UST: variants seen among roughly 807,000 people sequenced by gnomAD.
The protein encoded by UST is chondroitin sulfate 2-O-sulfotransferase.
UST carries 21 observed loss-of-function variants against 45.6 expected under a neutral mutation model. That is an observed-to-expected ratio of 0.46 (90% confidence interval 0.33 to 0.66). UST has a LOEUF of 0.66. Ranked by LOEUF, UST falls within the 30% of genes least tolerant of loss-of-function variation. UST has a pLI of 0.02. For missense variants in UST, 463 were observed against 512.4 expected (o/e 0.90, Z 0.93); for synonymous variants, 215 against 200.6 (o/e 1.07, Z -0.61).
intron 7 of UST, among the ~76,000 whole-genome samples, chr6:149,057,671 T>C (rs950383093): frequency 1.3e-5 from 2 of 152,146 alleles, no homozygotes; most frequent in African/African-American, 4.8e-5. Flanking sequence ...AAGGCATCTA[T>C]AAAATGGAGC....
rs551593699 is a variant in UST, at chr6:148,748,925, GA to G, written c.247+1260del. Among the ~76,000 whole-genome samples, 8,778 of 134,496 alleles carry G rather than the reference GA, an allele frequency of 0.065. 295 individuals carry two copies. The highest frequency in any genetic ancestry group is 0.098 in the African/African-American group (3,682 of 37,508). The allele number at this position is 134,496 out of a possible 152,430, so 88.2% of individuals were successfully genotyped here. ...GTTTGGAGAAAAGAGAAAAGAAAAG[GA>G]AAAAAAAAAAACCCAAAACAAACAA... On this transcript the variant is annotated intron_variant, in intron 1 of 7. Transcript: ENST00000367463. This position sits in a 1 kb window ranked among gnomAD's most constrained non-coding sequence, Gnocchi z 5.3.
At chr6:148,900,769 T>G (rs1297983107) in intron 2 of UST, among the ~76,000 whole-genome samples, 2 of 152,238 alleles carry the variant, frequency 1.3e-5, no homozygotes, top group African/African-American at 4.8e-5. Flanking sequence ...TGTCTTACAG[T>G]TCTGGAGGTC....
intron 5 of UST, among the ~76,000 whole-genome samples, chr6:148,964,873 A>C (rs1780752082): frequency 6.6e-6 from 1 of 152,190 alleles, no homozygotes; most frequent in Admixed American, 6.5e-5. Flanking sequence ...TGTAGTGCTT[A>C]AGAAGAACAA....
chr6:149,055,922 T>C (rs1776555678), intron 7 of UST, among the ~76,000 whole-genome samples: 1 of 152,220 alleles, frequency 6.6e-6, no homozygotes, highest in African/African-American at 2.4e-5. Flanking sequence ...CCTTCATTTA[T>C]AGCCTGTTGT....
intron 1 of UST, among the ~76,000 whole-genome samples, chr6:148,780,603 G>T (rs1039816390): frequency 1.3e-5 from 2 of 152,168 alleles, no homozygotes; most frequent in Non-Finnish European, 2.9e-5. Flanking sequence ...CCACATTCCT[G>T]CAAGAACTTG....
intron 7 of UST, among the ~76,000 whole-genome samples, chr6:149,024,486 C>G (rs2115021560): frequency 6.6e-6 from 1 of 152,310 alleles, no homozygotes; most frequent in East Asian, 1.9e-4. Context: ...GAAGACCAAG[C>G]TAGTCCACAG....
At chr6:148,891,181 G>A (rs995577709) in intron 2 of UST, among the ~76,000 whole-genome samples, 4 of 152,110 alleles carry the variant, frequency 2.6e-5, no homozygotes, top group Non-Finnish European at 5.9e-5. Flanking sequence ...CTTCAGTGCC[G>A]TGGCCTCTGC....
chr6:148,876,064 C>T (rs891203055), intron 1 of UST, among the ~76,000 whole-genome samples: 1 of 152,076 alleles, frequency 6.6e-6, no homozygotes, highest in African/African-American at 2.4e-5. Context: ...TTAATTGGTT[C>T]GTGGTTCTGT....
intron 1 of UST, among the ~76,000 whole-genome samples, chr6:148,823,536 A>G (rs1287115502): frequency 3.9e-5 from 6 of 152,200 alleles, no homozygotes; most frequent in East Asian, 3.8e-4. Context: ...TTCTTAATCT[A>G]TTACCTACTG....
At chr6:148,961,959 G>T (rs183509929) in intron 4 of UST, among the ~76,000 whole-genome samples, 11 of 152,308 alleles carry the variant, frequency 7.2e-5, no homozygotes, top group Admixed American at 7.2e-4. Context: ...GTAGCATGGT[G>T]GTATTCTGGC....
chr6:148,879,540 C>T (rs778592153), intron 1 of UST, among the ~76,000 whole-genome samples: 1 of 152,172 alleles, frequency 6.6e-6, no homozygotes, highest in Non-Finnish European at 1.5e-5. Flanking sequence ...AAATCAGAAT[C>T]GCTAAGGCTG....
chr6:148,761,565 A>G (rs1776222416), intron 1 of UST, among the ~76,000 whole-genome samples: 1 of 151,648 alleles, frequency 6.6e-6, no homozygotes, highest in South Asian at 2.1e-4. Flanking sequence ...AGATTTAGAT[A>G]CTTCAAGAGG....
At chr6:149,001,548 A>G (rs941839112) in intron 5 of UST, among the ~76,000 whole-genome samples, 13 of 152,242 alleles carry the variant, frequency 8.5e-5, no homozygotes, top group African/African-American at 3.1e-4. Context: ...GTCAGCAACA[A>G]TAGATATCAG....
chr6:148,840,136 GA>G (rs758253404), intron 1 of UST, among the ~76,000 whole-genome samples: 2 of 152,168 alleles, frequency 1.3e-5, no homozygotes, highest in Non-Finnish European at 2.9e-5. Flanking sequence ...GGAACAAAAG[GA>G]ATAGTTGCAG....
chr6:148,965,240 G>A (rs1196400679), intron 5 of UST, among the ~76,000 whole-genome samples: 1 of 152,134 alleles, frequency 6.6e-6, no homozygotes, highest in African/African-American at 2.4e-5. Context: ...TAACAAAAAC[G>A]GAGGGCGGAG....
intron 2 of UST, among the ~76,000 whole-genome samples, chr6:148,906,702 T>G (rs1313635012): frequency 6.6e-6 from 1 of 152,228 alleles, no homozygotes; most frequent in Non-Finnish European, 1.5e-5. Flanking sequence ...AACTGTGATT[T>G]GGGACAGATT....
intron 1 of UST, among the ~76,000 whole-genome samples, chr6:148,832,855 T>A (rs573226236): frequency 6.6e-6 from 1 of 152,196 alleles, no homozygotes; most frequent in Non-Finnish European, 1.5e-5. Context: ...TTTGATTTGT[T>A]TTTCAACTTG....
chr6:149,029,897 T>TGTG (rs924160405), intron 7 of UST, among the ~76,000 whole-genome samples: 9 of 151,674 alleles, frequency 5.9e-5, no homozygotes, highest in African/African-American at 2.2e-4. Flanking sequence ...TGTGTGTGTG[T>TGTG]GTGTGTGTGT....
chr6:148,796,538 C>A (rs1051047017), intron 1 of UST, among the ~76,000 whole-genome samples: 6 of 137,074 alleles, frequency 4.4e-5, no homozygotes, highest in Non-Finnish European at 6.1e-5. Flanking sequence ...GCAGGAGAAT[C>A]ATTTGAACCT....
Sources: allele counts gnomAD v4.1 joint callset (sites outside exome capture counted in the v4.1 genomes callset), GRCh38; gene constraint gnomAD v4.1.1; non-coding constraint Gnocchi (gnomAD v3.1); transcripts MANE v1.5; gene names NCBI Gene and HGNC (gene_info 2026-07-23, HGNC 2026-07-21).